PRKCB: variants seen among roughly 807,000 people sequenced by gnomAD.
The protein encoded by PRKCB is protein kinase C beta.
In PRKCB, 13 loss-of-function variants were observed where a neutral mutation model predicts 81.5. The observed-to-expected ratio is 0.16, with a 90% CI of 0.10 to 0.25. The LOEUF (loss-of-function observed/expected upper bound fraction) is 0.25, where lower values mean the gene tolerates loss of function less well. Ranked by LOEUF, PRKCB falls within the 10% of genes least tolerant of loss-of-function variation. The probability of loss-of-function intolerance (pLI) is 1.00; values close to 1 mark genes in which losing one functional copy is unlikely to be tolerated. For missense variants in PRKCB, 509 were observed against 875.7 expected (o/e 0.58, Z 5.29); for synonymous variants, 335 against 321.4 (o/e 1.04, Z -0.45).
chr16:23,840,577 A>G (rs1962246990), intron 2 of PRKCB, among the ~76,000 whole-genome samples: 1 of 152,182 alleles, frequency 6.6e-6, no homozygotes, highest in East Asian at 1.9e-4. Context: ...TGTTTATTTC[A>G]GGCAGCCACT....
Position 23,836,354 on chromosome 16 carries a change from C to T in PRKCB, c.173+6C>T, listed in dbSNP as rs1183734220. On this transcript the variant is annotated splice_donor_region_variant and intron_variant, in intron 1 of 16. Coordinates refer to ENST00000643927, the MANE Select transcript of PRKCB (RefSeq NM_002738.7). ...CACTGCACCGACTTCATCTGGTGAG[C>T]GCGCGCGCGCAGGGCACCTTCCCGG... 1 of 1,586,024 alleles carries T rather than the reference C, an allele frequency of 6.3e-7. No homozygotes were observed. Among genetic ancestry groups the T allele is most frequent in the Non-Finnish European group, 8.6e-7 (1 of 1,166,608 alleles).
Position 24,215,129 on chromosome 16 carries a change from C to G in PRKCB, c.*313C>G. Reference sequence around the variant, plus strand: ...GAGAAAATGCCTGCTTTCTTTCCCTCTTTTTCTGCACTGCCATATTCACCC... The same window carrying G: ...GAGAAAATGCCTGCTTTCTTTCCCTGTTTTTCTGCACTGCCATATTCACCC... On this transcript the variant is annotated 3_prime_UTR_variant, in exon 17 of 17. Coordinates refer to ENST00000643927, the MANE Select transcript of PRKCB (RefSeq NM_002738.7). 8.2e-6 allele frequency: 9 copies of G among 1,093,378 alleles called. No homozygotes were observed. The highest frequency in any genetic ancestry group is 1.0e-5 in the Non-Finnish European group (9 of 894,452). The allele number at this position is 1,093,378 out of a possible 1,614,324, so 67.7% of individuals were successfully genotyped here.
At chr16:24,019,031 T>C (rs925511526) in intron 3 of PRKCB, among the ~76,000 whole-genome samples, 2 of 152,170 alleles carry the variant, frequency 1.3e-5, no homozygotes, top group Admixed American at 1.3e-4. Context: ...AGAGGTGAGA[T>C]TTTTGTAATA....
chr16:24,026,115 A>G (rs1456223731), intron 3 of PRKCB, among the ~76,000 whole-genome samples: 1 of 152,108 alleles, frequency 6.6e-6, no homozygotes, highest in Admixed American at 6.6e-5. Flanking sequence ...TGGGCAACAT[A>G]GCAAAAACCC....
chr16:24,123,879 G>A lies in PRKCB; in HGVS notation c.963G>A (p.Thr321=), dbSNP rs766756709. The change falls in exon 9 of 17, where the codon ACG becomes ACA. Residue 321 remains threonine (T), a synonymous_variant. Coordinates refer to ENST00000643927, the MANE Select transcript of PRKCB (RefSeq NM_002738.7). ...SQGTKVPEEK[T]TNTVSKFDNN... ...GAACCAAGGTCCCGGAAGAAAAGACGACCAACACTGTCTCCAAATTTGACA... is the reference window on the plus strand; with the variant it reads ...GAACCAAGGTCCCGGAAGAAAAGACAACCAACACTGTCTCCAAATTTGACA... 6.2e-6 allele frequency: 10 copies of A among 1,614,004 alleles called. No homozygotes were observed. The South Asian group carries it at 7.7e-5, about 12-fold the overall frequency.
Position 23,875,502 on chromosome 16 carries a change from T to TTATGTATATCACACAC in PRKCB, c.205+38096_205+38097insTATGTATATCACACAC, listed in dbSNP as rs1209313131. Among the ~76,000 whole-genome samples, 43 of 21,992 alleles carry TTATGTATATCACACAC rather than the reference T, an allele frequency of 2.0e-3. 10 individuals carry two copies. Among genetic ancestry groups the TTATGTATATCACACAC allele is most frequent in the Non-Finnish European group, 3.3e-3 (27 of 8,296 alleles). The allele number at this position is 21,992 out of a possible 152,430, so 14.4% of individuals were successfully genotyped here. On this transcript the variant is annotated intron_variant, in intron 2 of 16. Transcript: ENST00000643927. ...AAAGATATATATATATATATATATA[T>TTATGTATATCACACAC]ATATGATGTATATCACACACATATG... is the stretch of plus-strand genomic sequence containing the variant.
intron 3 of PRKCB, among the ~76,000 whole-genome samples, chr16:24,000,165 A>G (rs1026746111): frequency 2.6e-5 from 4 of 152,226 alleles, no homozygotes; most frequent in African/African-American, 9.6e-5. Context: ...GAGAGGAAGT[A>G]TCTATGGTTA....
At chr16:23,933,957 A>C (rs1256417132) in intron 2 of PRKCB, among the ~76,000 whole-genome samples, 5 of 86,406 alleles carry the variant, frequency 5.8e-5, no homozygotes, top group Admixed American at 1.4e-4. Flanking sequence ...CCATCCACCT[A>C]CCTCATCCAT....
chr16:24,000,831 A>G (rs534776576), intron 3 of PRKCB, among the ~76,000 whole-genome samples: 3 of 152,332 alleles, frequency 2.0e-5, no homozygotes, highest in African/African-American at 7.2e-5. Flanking sequence ...ATGCAGTGCT[A>G]AGAAAAGAAC....
At chr16:24,182,291 A>G (rs1967638338) in intron 13 of PRKCB, among the ~76,000 whole-genome samples, 1 of 152,076 alleles carries the variant, frequency 6.6e-6, no homozygotes, top group South Asian at 2.1e-4. Context: ...GCCTGAGGCA[A>G]GAAGATCGCT....
At chr16:24,185,269 T>G (rs879500626) in intron 14 of PRKCB, 78 bp downstream of exon 14, 4 of 1,396,078 alleles carry the variant, frequency 2.9e-6, no homozygotes, top group Admixed American at 3.8e-5. Flanking sequence ...GAATGCATGT[T>G]TGGTAACAGC....
chr16:23,932,270 A>G lies in PRKCB; in HGVS notation c.206-56238A>G, dbSNP rs117489169. ...AGGAGAAGGAAACATTAACTGAAAT[A>G]TAAAATGATAATAAAGAATTGTTAT... On this transcript the variant is annotated intron_variant, in intron 2 of 16. Coordinates refer to ENST00000643927, the MANE Select transcript of PRKCB (RefSeq NM_002738.7). 4.7e-3 allele frequency among the ~76,000 whole-genome samples: 712 copies of G among 152,374 alleles called. 2 individuals are homozygous for G. The highest frequency in any genetic ancestry group is 6.9e-3 in the Non-Finnish European group (467 of 68,032).
At chr16:24,154,209 A>T (rs1967119895) in intron 9 of PRKCB, among the ~76,000 whole-genome samples, 1 of 152,212 alleles carries the variant, frequency 6.6e-6, no homozygotes, top group African/African-American at 2.4e-5. Context: ...TCAGGGCTGG[A>T]TGCAGAATCA....
chr16:23,887,768 T>G (rs1416411574), intron 2 of PRKCB, among the ~76,000 whole-genome samples: 1 of 152,260 alleles, frequency 6.6e-6, no homozygotes, highest in Non-Finnish European at 1.5e-5. Context: ...TTGAGAAGTC[T>G]CTAAACTGCT....
At chr16:24,160,231 C>T (rs745814898) in intron 10 of PRKCB, among the ~76,000 whole-genome samples, 10 of 147,742 alleles carry the variant, frequency 6.8e-5, no homozygotes, top group Admixed American at 2.0e-4. Context: ...GAAGTTACTC[C>T]GCTTATCCTA....
At chr16:23,985,332 A>G (rs1169753092) in intron 2 of PRKCB, among the ~76,000 whole-genome samples, 4 of 152,154 alleles carry the variant, frequency 2.6e-5, no homozygotes, top group Non-Finnish European at 4.4e-5. Flanking sequence ...TCTGGCCTCA[A>G]GTGATCTGCC....
chr16:24,168,800 T>C (rs198209), intron 10 of PRKCB, among the ~76,000 whole-genome samples: 55,394 of 147,946 alleles, frequency 0.37, 11,019 homozygotes, highest in African/African-American at 0.51. Flanking sequence ...CTCAAGTGAT[T>C]TTCCTGTCTC....
At chr16:24,023,828 A>G (rs546463771) in intron 3 of PRKCB, among the ~76,000 whole-genome samples, 1 of 151,058 alleles carries the variant, frequency 6.6e-6, no homozygotes, top group African/African-American at 2.4e-5. Flanking sequence ...CTCCTACCAC[A>G]CCCCCTCCAT....
At chr16:24,161,925 C>A (rs997689755) in intron 10 of PRKCB, among the ~76,000 whole-genome samples, 1 of 152,082 alleles carries the variant, frequency 6.6e-6, no homozygotes, top group Non-Finnish European at 1.5e-5. Flanking sequence ...ATTGTCAGCC[C>A]GGCACATTCA....
Sources: gnomAD v4.1 joint callset for allele counts (sites outside exome capture counted in the v4.1 genomes callset) on GRCh38, gnomAD v4.1.1 for gene constraint, MANE v1.5 for transcripts, NCBI Gene and HGNC (gene_info 2026-07-23, HGNC 2026-07-21) for gene names.